Variants in TBC1D5 observed in about 807,000 individuals in gnomAD.
TBC1D5 encodes the protein TBC1 domain family, member 5.
TBC1D5 carries 75 observed loss-of-function variants against 100.3 expected under a neutral mutation model. The observed-to-expected ratio is 0.75, with a 90% CI of 0.62 to 0.91. TBC1D5 has a LOEUF of 0.91. Ranked by LOEUF, TBC1D5 falls within the 40% of genes least tolerant of loss-of-function variation. TBC1D5 has a pLI of 0.00. For synonymous variants in TBC1D5, 323 were observed against 325.6 expected (o/e 0.99, Z 0.09); for missense variants, 910 against 942.4 (o/e 0.97, Z 0.45).
At chr3:17,183,515 G>A (rs1028848091) in intron 19 of TBC1D5, among the ~76,000 whole-genome samples, 26 of 152,182 alleles carry the variant, frequency 1.7e-4, no homozygotes, top group African/African-American at 6.0e-4. Context: ...TGGATCAAAT[G>A]TGACAGGGGT....
chr3:17,290,760 C>A (rs968220742), intron 15 of TBC1D5, among the ~76,000 whole-genome samples: 2 of 152,046 alleles, frequency 1.3e-5, no homozygotes, highest in Non-Finnish European at 2.9e-5. Flanking sequence ...TAGTCATATT[C>A]ATAAGCCTTA....
chr3:17,475,543 A>C (rs564109563), intron 3 of TBC1D5, among the ~76,000 whole-genome samples: 3 of 152,224 alleles, frequency 2.0e-5, no homozygotes, highest in South Asian at 4.2e-4. Context: ...ACTGCCCTGC[A>C]ATCATCAACA....
chr3:17,669,207 T>C (rs1454115415), intron 1 of TBC1D5, among the ~76,000 whole-genome samples: 1 of 152,186 alleles, frequency 6.6e-6, no homozygotes, highest in East Asian at 1.9e-4. Context: ...CCCGCCACCA[T>C]GTGAAGAAGG....
Position 17,690,418 on chromosome 3 carries a change from G to A in TBC1D5, c.-101+48925C>T, listed in dbSNP as rs1400849512. Reference sequence around the variant, plus strand: ...TTTTTAGTAGAGACGGGGTTTCACCGTTTTAGCCGGGATGGTCTCGATCTC... The same window carrying A: ...TTTTTAGTAGAGACGGGGTTTCACCATTTTAGCCGGGATGGTCTCGATCTC... On this transcript the variant is annotated intron_variant, in intron 1 of 21. Coordinates refer to ENST00000253692, the Ensembl canonical transcript of TBC1D5. Among the ~76,000 whole-genome samples, 33 of 47,940 alleles carry A rather than the reference G, an allele frequency of 6.9e-4. 8 individuals are homozygous for A. Among genetic ancestry groups the A allele is most frequent in the South Asian group, 2.0e-3 (2 of 1,002 alleles). 31.5% of individuals were successfully genotyped at this position (47,940 alleles called of 152,430 possible).
intron 17 of TBC1D5, 65 bp downstream of exon 18, chr3:17,233,620 G>T: frequency 1.1e-6 from 1 of 932,146 alleles, no homozygotes; most frequent in Non-Finnish European, 1.6e-6. Context: ...ATGGAGTTTT[G>T]GAGTAGGCAA....
At chr3:17,711,229 T>C (rs1479600413) in intron 1 of TBC1D5, among the ~76,000 whole-genome samples, 1 of 152,178 alleles carries the variant, frequency 6.6e-6, no homozygotes, top group African/African-American at 2.4e-5. Flanking sequence ...TTTTTTCCTG[T>C]GAATTTCATT....
chr3:17,539,665 C>G (rs1375358571), intron 2 of TBC1D5, among the ~76,000 whole-genome samples: 1 of 152,150 alleles, frequency 6.6e-6, no homozygotes, highest in African/African-American at 2.4e-5. Flanking sequence ...TGATCACCCC[C>G]TCCCCATCAT....
chr3:17,360,892 T>C (rs541126478), intron 13 of TBC1D5, among the ~76,000 whole-genome samples: 193 of 152,102 alleles, frequency 1.3e-3, no homozygotes, highest in African/African-American at 4.4e-3. Flanking sequence ...TTGTTTTCAT[T>C]AGTCCCATAT....
intron 1 of TBC1D5, among the ~76,000 whole-genome samples, chr3:17,714,668 T>C (rs906744348): frequency 1.4e-4 from 21 of 152,160 alleles, no homozygotes; most frequent in Non-Finnish European, 2.9e-4. Flanking sequence ...CAAAAACACT[T>C]TGGGAAAACA....
intron 13 of TBC1D5, among the ~76,000 whole-genome samples, chr3:17,368,752 A>G (rs1206584631): frequency 6.6e-6 from 1 of 151,712 alleles, no homozygotes; most frequent in East Asian, 1.9e-4. Context: ...ACTTTACAAA[A>G]AAATTTGTTT....
intron 3 of TBC1D5, among the ~76,000 whole-genome samples, chr3:17,474,258 A>G (rs2095412831): frequency 6.6e-6 from 1 of 152,184 alleles, no homozygotes; most frequent in African/African-American, 2.4e-5. Context: ...TCTAGAATAT[A>G]AACTACTTAC....
chr3:17,264,551 A>T (rs1200739721), intron 15 of TBC1D5, among the ~76,000 whole-genome samples: 1 of 152,228 alleles, frequency 6.6e-6, no homozygotes, highest in Non-Finnish European at 1.5e-5. Flanking sequence ...GTGAAGTTAT[A>T]CGTTGAAAAC....
intron 13 of TBC1D5, among the ~76,000 whole-genome samples, chr3:17,331,484 C>T (rs984779136): frequency 6.6e-6 from 1 of 152,090 alleles, no homozygotes; most frequent in African/African-American, 2.4e-5. Context: ...TATACAATGA[C>T]GTATTACTAA....
At chr3:17,532,106 C>G (rs1181945785) in intron 2 of TBC1D5, among the ~76,000 whole-genome samples, 1 of 152,118 alleles carries the variant, frequency 6.6e-6, no homozygotes, top group Non-Finnish European at 1.5e-5. Context: ...GGCTAATATC[C>G]AGAATCTACA....
At chr3:17,615,345 A>AT (rs1004846495) in intron 2 of TBC1D5, among the ~76,000 whole-genome samples, 19 of 151,722 alleles carry the variant, frequency 1.3e-4, no homozygotes, top group East Asian at 1.2e-3. Flanking sequence ...CTAAAATTCT[A>AT]TTTTTTTTGC....
intron 18 of TBC1D5, among the ~76,000 whole-genome samples, chr3:17,202,311 C>G (rs989351811): frequency 1.3e-5 from 2 of 152,164 alleles, no homozygotes; most frequent in Non-Finnish European, 2.9e-5. Flanking sequence ...TCAAATGCAG[C>G]CTGGCTGCTT....
Position 17,285,610 on chromosome 3 carries a change from A to C in TBC1D5, c.1245+6285T>G, listed in dbSNP as rs180907447. 1.2e-3 allele frequency among the ~76,000 whole-genome samples: 176 copies of C among 152,296 alleles called. 1 individual carries two copies. Among genetic ancestry groups the C allele is most frequent in the Non-Finnish European group, 1.6e-4 (11 of 68,016 alleles). ...AAAGAAAAAGATTACAATGGCATTAAGGAAAGGAACATTTTCTAAAATTGT... is the reference window on the plus strand; with the variant it reads ...AAAGAAAAAGATTACAATGGCATTACGGAAAGGAACATTTTCTAAAATTGT... On this transcript the variant is annotated intron_variant, in intron 15 of 21. Coordinates refer to ENST00000253692, the Ensembl canonical transcript of TBC1D5.
intron 1 of TBC1D5, among the ~76,000 whole-genome samples, chr3:17,734,190 T>C (rs565661253): frequency 1.3e-5 from 2 of 152,232 alleles, no homozygotes; most frequent in Non-Finnish European, 2.9e-5. Flanking sequence ...GGACTACTTA[T>C]AGTACATTCA....
chr3:17,293,890 T>G (rs1045632564), intron 14 of TBC1D5, among the ~76,000 whole-genome samples: 8 of 152,348 alleles, frequency 5.3e-5, no homozygotes, highest in Non-Finnish European at 7.3e-5. Flanking sequence ...TTCTATGACA[T>G]TCTTATAAAG....
Sources: gnomAD v4.1 joint callset for allele counts (sites outside exome capture counted in the v4.1 genomes callset) on GRCh38, gnomAD v4.1.1 for gene constraint, MANE v1.5 for transcripts, NCBI Gene and HGNC (gene_info 2026-07-23, HGNC 2026-07-21) for gene names.